Variants in GPATCH8 observed in about 807,000 individuals in gnomAD.
The protein encoded by GPATCH8 is G-patch domain containing 8, also known as G patch domain-containing protein 8.
In GPATCH8, 18 loss-of-function variants were observed where a neutral mutation model predicts 118.3. That is an observed-to-expected ratio of 0.15 (90% CI 0.11 to 0.23). The LOEUF (loss-of-function observed/expected upper bound fraction) is 0.23. Among genes scored for constraint, GPATCH8 ranks in the 10% least tolerant of loss-of-function variants. The pLI is 1.00. For missense variants in GPATCH8, 1,631 were observed against 1,873.8 expected (o/e 0.87, Z 2.39); for synonymous variants, 659 against 684.7 (o/e 0.96, Z 0.59).
intron 1 of GPATCH8, among the ~76,000 whole-genome samples, chr17:44,476,459 C>T (rs1245659069): frequency 6.6e-6 from 1 of 152,218 alleles, no homozygotes; most frequent in Non-Finnish European, 1.5e-5. Flanking sequence ...CCCACCTCAG[C>T]CTCCCAAAGT....
At chr17:44,454,083 T>C (rs2051236696) in intron 3 of GPATCH8, among the ~76,000 whole-genome samples, 1 of 152,236 alleles carries the variant, frequency 6.6e-6, no homozygotes, top group Non-Finnish European at 1.5e-5. Flanking sequence ...GTAATATCTA[T>C]TCCTCCCTCC....
At chr17:44,418,809 G>A (rs557488861) in intron 6 of GPATCH8, among the ~76,000 whole-genome samples, 3 of 152,268 alleles carry the variant, frequency 2.0e-5, no homozygotes, top group South Asian at 2.1e-4. Flanking sequence ...CATGTAAAAA[G>A]GAATCATATA....
In GPATCH8 at chr17:44,398,244, T is replaced by A. The variant is rs1319055275; in HGVS notation, c.3833A>T (p.His1278Leu). 1 of 1,612,900 alleles carries A rather than the reference T, an allele frequency of 6.2e-7. No individual in the cohort carries two copies. Among genetic ancestry groups the A allele is most frequent in the Admixed American group, 1.7e-5 (1 of 59,976 alleles). ...SLLPIAPDLEHFPSYAPPSGD... is the reference protein window; with the variant it reads ...SLLPIAPDLELFPSYAPPSGD... ...ACTGGGAGGTGCATAACTGGGGAAA[T>A]GCTCAAGGTCTGGTGCTATAGGCAG... Residue 1278 changes from histidine (H) to leucine (L), a missense_variant, in exon 8 of 8, where the codon CAT (histidine) becomes CTT (leucine). By Grantham distance (99) the His-to-Leu change is moderately conservative. Coordinates refer to ENST00000591680, the MANE Select transcript of GPATCH8 (RefSeq NM_001002909.4).
At chr17:44,447,804 C>T (rs2050942574) in intron 3 of GPATCH8, among the ~76,000 whole-genome samples, 1 of 152,120 alleles carries the variant, frequency 6.6e-6, no homozygotes, top group Non-Finnish European at 1.5e-5. Context: ...CCCCATCCCC[C>T]TTTTTAGGAC....
chr17:44,437,536 T>G (rs551932525), intron 3 of GPATCH8, among the ~76,000 whole-genome samples: 2 of 152,176 alleles, frequency 1.3e-5, no homozygotes, highest in African/African-American at 4.8e-5. Flanking sequence ...AAACAATTGG[T>G]TTTTTTGGTT....
intron 1 of GPATCH8, among the ~76,000 whole-genome samples, chr17:44,479,882 G>C (rs1054722047): frequency 6.6e-6 from 1 of 151,702 alleles, no homozygotes; most frequent in African/African-American, 2.4e-5. Context: ...CTGGAGAACT[G>C]CTTGAACCCA....
At chr17:44,453,052 C>T (rs545439686) in intron 3 of GPATCH8, among the ~76,000 whole-genome samples, 2 of 152,216 alleles carry the variant, frequency 1.3e-5, no homozygotes, top group South Asian at 2.1e-4. Context: ...AGGCTGGTCT[C>T]GAACTCCTGA....
intron 6 of GPATCH8, among the ~76,000 whole-genome samples, chr17:44,407,552 A>T (rs764786085): frequency 2.0e-5 from 3 of 152,214 alleles, no homozygotes; most frequent in Non-Finnish European, 2.9e-5. Context: ...AACTTTGGAA[A>T]AGACCATTAT....
intron 5 of GPATCH8, among the ~76,000 whole-genome samples, chr17:44,432,419 T>C (rs1252676746): frequency 6.6e-6 from 1 of 152,128 alleles, no homozygotes; most frequent in Non-Finnish European, 1.5e-5. Flanking sequence ...TGAGTACCAA[T>C]GTTTGAGAAT....
chr17:44,441,798 G>C (rs1335581145), intron 3 of GPATCH8, among the ~76,000 whole-genome samples: 1 of 151,756 alleles, frequency 6.6e-6, no homozygotes, highest in Non-Finnish European at 1.5e-5. Flanking sequence ...GGAGGCCGAG[G>C]CGGGTGGATC....
chr17:44,446,313 T>C (rs1372187264), intron 3 of GPATCH8, among the ~76,000 whole-genome samples: 2 of 150,770 alleles, frequency 1.3e-5, no homozygotes, highest in Non-Finnish European at 3.0e-5. Context: ...ACGCCTGTAA[T>C]CCCAGCACTT....
chr17:44,444,136 G>A (rs1418913771), intron 3 of GPATCH8, among the ~76,000 whole-genome samples: 1 of 151,972 alleles, frequency 6.6e-6, no homozygotes, highest in Non-Finnish European at 1.5e-5. Flanking sequence ...AAAGGCTTTA[G>A]TGAAAGTGTT....
intron 1 of GPATCH8, among the ~76,000 whole-genome samples, chr17:44,500,753 T>G (rs2144509907): frequency 6.6e-6 from 1 of 152,352 alleles, no homozygotes; most frequent in South Asian, 2.1e-4. Flanking sequence ...ATCTATCCAC[T>G]GTGTTTGGAA....
chr17:44,466,093 CT>C (rs2051752866), intron 2 of GPATCH8, among the ~76,000 whole-genome samples: 1 of 152,094 alleles, frequency 6.6e-6, no homozygotes, highest in Non-Finnish European at 1.5e-5. Context: ...TTATAGCTAA[CT>C]GCAGCCTTGA....
chr17:44,423,065 G>A (rs1025708404), intron 6 of GPATCH8, among the ~76,000 whole-genome samples: 8 of 151,368 alleles, frequency 5.3e-5, no homozygotes, highest in Non-Finnish European at 7.4e-5. Context: ...TCAGGAGTTC[G>A]CCCCATCTCT....
chr17:44,454,953 C>T (rs1568013435), intron 3 of GPATCH8, among the ~76,000 whole-genome samples: 1 of 152,278 alleles, frequency 6.6e-6, no homozygotes, highest in African/African-American at 2.4e-5. Flanking sequence ...ATTTAATTAG[C>T]AGGAAACAGA....
intron 1 of GPATCH8, among the ~76,000 whole-genome samples, chr17:44,499,363 G>A (rs1180743777): frequency 2.6e-5 from 4 of 152,132 alleles, no homozygotes; most frequent in Admixed American, 1.3e-4. Flanking sequence ...CCAGCTACTC[G>A]GGAGGCTGAG....
chr17:44,399,261 C>T lies in GPATCH8; in HGVS notation c.2816G>A (p.Cys939Tyr). The change falls in exon 8 of 8, where the codon TGC becomes TAC. Residue 939 changes from cysteine (C) to tyrosine (Y), a missense_variant. Cys to Tyr is a radical substitution (Grantham distance 194). Transcript: ENST00000591680. ...SSSDDDYSLS[C>Y]SQSRSRSRSH... is the part of the protein sequence containing the mutation. ...CCGAGATCGGCTTCGGGACTGGCTGCAACTGAGGCTATAGTCATCATCAGA... is the reference window on the plus strand; with the variant it reads ...CCGAGATCGGCTTCGGGACTGGCTGTAACTGAGGCTATAGTCATCATCAGA... 1 of 1,614,066 alleles carries T rather than the reference C, an allele frequency of 6.2e-7. No individual in the cohort carries two copies. The highest frequency in any genetic ancestry group is 1.6e-4 in the Middle Eastern group (1 of 6,062).
At chr17:44,474,655 AT>A in intron 2 of GPATCH8, 173 bp downstream of exon 2, 1 of 688,964 alleles carries the variant, frequency 1.5e-6, no homozygotes. Context: ...TTCCCAACAT[AT>A]TAAATATTAG....
Sources: allele counts gnomAD v4.1 joint callset (sites outside exome capture counted in the v4.1 genomes callset), GRCh38; gene constraint gnomAD v4.1.1; transcripts MANE v1.5; gene names NCBI Gene and HGNC (gene_info 2026-07-23, HGNC 2026-07-21).